The following LRPAP1 variants were observed in gnomAD, a reference collection of about 807,000 sequenced individuals.
The protein encoded by LRPAP1 is LDL receptor related protein associated protein 1.
LRPAP1 carries 41 observed loss-of-function variants against 39.9 expected under a neutral mutation model. That is an observed-to-expected ratio of 1.03 (90% CI 0.80 to 1.33). The LOEUF is 1.33. Ranked by LOEUF, LRPAP1 falls within the 40% of genes most tolerant of loss-of-function variation. The pLI is 0.00. For missense variants in LRPAP1, 565 were observed against 482.3 expected (o/e 1.17, Z -1.61); for synonymous variants, 263 against 212.7 (o/e 1.24, Z -2.06).
intron 7 of LRPAP1, among the ~76,000 whole-genome samples, chr4:3,513,459 C>A (rs190386877): frequency 6.6e-6 from 1 of 152,138 alleles, no homozygotes. Context: ...AGGTGCCCAC[C>A]GCCACGCCCG....
chr4:3,532,202 C>T lies in LRPAP1; in HGVS notation c.204+7G>A, dbSNP rs908221605. 10 of 1,548,996 alleles carry T rather than the reference C, an allele frequency of 6.5e-6. No homozygotes were observed. In the African/African-American group the frequency reaches 1.2e-4, roughly 19 times the overall value. On this transcript the variant is annotated splice_region_variant and intron_variant, in intron 1 of 7. Coordinates refer to ENST00000650182, the MANE Select transcript of LRPAP1 (RefSeq NM_002337.4). ...GCCCCGCTCCACCGACCGCGGGCCG[C>T]GCTCACTCGCTGGGCCTTCTCCCAC...
Position 3,516,966 on chromosome 4 carries a change from G to A in LRPAP1, c.752-768C>T, listed in dbSNP as rs139645124. Among the ~76,000 whole-genome samples the A allele has an allele frequency of 4.5e-3, 683 of 152,364 alleles. 4 individuals carry two copies. The highest frequency in any genetic ancestry group is 0.015 in the African/African-American group (641 of 41,588). ...ACAACTGCCTTGGGGACAGCCCGAG[G>A]TGGGAAGAGAAGTGTGTGGGGCTGA... is the stretch of plus-strand genomic sequence containing the variant. On this transcript the variant is annotated intron_variant, in intron 5 of 7. Transcript: ENST00000650182.
intron 5 of LRPAP1, among the ~76,000 whole-genome samples, chr4:3,516,806 T>C (rs1461168088): frequency 1.3e-5 from 2 of 152,130 alleles, no homozygotes; most frequent in Non-Finnish European, 2.9e-5. Flanking sequence ...CGCCTGCCCA[T>C]GGAGCCCCGC....
rs1170438062 is a variant in LRPAP1, at chr4:3,504,776, A to AAC, written c.*8196_*8197dup. Among the ~76,000 whole-genome samples the AAC allele has an allele frequency of 2.3e-3, 350 of 150,452 alleles. 1 individual carries two copies. The highest frequency in any genetic ancestry group is 0.01 in the Middle Eastern group (3 of 288). ...AAAAAAAAAAAAAACCAAAAAACAAAACACACACACACACAGAAAAATTAG... is the reference window on the plus strand; with the variant it reads ...AAAAAAAAAAAAAACCAAAAAACAAAACACACACACACACACAGAAAAATTAG... On this transcript the variant is annotated 3_prime_UTR_variant, in exon 8 of 8. Transcript: ENST00000650182.
intron 5 of LRPAP1, among the ~76,000 whole-genome samples, chr4:3,516,547 A>C (rs1800491): frequency 0.35 from 52,600 of 152,176 alleles, 9,445 homozygotes; most frequent in East Asian, 0.52. Context: ...CTGTGTGCAG[A>C]GGCTGCCAGG....
intron 1 of LRPAP1, among the ~76,000 whole-genome samples, chr4:3,525,851 G>A (rs913729059): frequency 3.9e-5 from 6 of 152,238 alleles, no homozygotes; most frequent in African/African-American, 7.2e-5. Flanking sequence ...GTGTCCCCAC[G>A]TCAGAAAGAC....
intron 6 of LRPAP1, chr4:3,515,883 C>G: frequency 3.5e-6 from 2 of 576,458 alleles, no homozygotes; most frequent in Non-Finnish European, 3.1e-6. Context: ...GACGTGAACA[C>G]GGACAAAAGA....
rs752616407 is a variant in LRPAP1, at chr4:3,524,985, G to A, written c.271C>T (p.Leu91Phe). The change falls in exon 2 of 8, where the codon CTC becomes TTC. Residue 91 changes from leucine to phenylalanine, a missense_variant. By Grantham distance (22) the Leu-to-Phe change is conservative. Coordinates refer to ENST00000650182, the MANE Select transcript of LRPAP1 (RefSeq NM_002337.4). ...TCAAGCTTTAGTTTCTTCCAGGCGAGTTCGTCCCTCTCCTGTATCTTCAGA... is the reference window on the plus strand; with the variant it reads ...TCAAGCTTTAGTTTCTTCCAGGCGAATTCGTCCCTCTCCTGTATCTTCAGA... Reference protein sequence around the residue: ...ADLKIQERDELAWKKLKLDGL... With the variant: ...ADLKIQERDEFAWKKLKLDGL... 5 of 1,614,148 alleles carry A rather than the reference G, an allele frequency of 3.1e-6. No individual in the cohort carries two copies. The South Asian group carries it at 4.4e-5, about 14-fold the overall frequency.
chr4:3,516,104 G>T lies in LRPAP1; in HGVS notation c.834+12C>A, dbSNP rs201809218. 3.8e-6 allele frequency: 6 copies of T among 1,563,866 alleles called. No individual in the cohort carries two copies. In the South Asian group the frequency reaches 7.1e-5, roughly 18 times the overall value. On this transcript the variant is annotated intron_variant, in intron 6 of 7. Transcript: ENST00000650182. The stretch of plus-strand genomic sequence containing the variant: ...AGGAGAGAGCTAGAAGGAGAGGGCC[G>T]TGTTTCCTTACCCGGAACGCCTCCA...
At position 3,514,842 on chromosome 4, in the gene LRPAP1, G is replaced by C; in HGVS notation, c.921C>G (p.His307Gln). ...QLEIAHEKLR[H>Q]AESVGDGERV... ...GCTCGCCGTCGCCCACGCTCTCTGC[G>C]TGCCTCAGCTTCTCGTGCGCAATCT... The change falls in exon 7 of 8, where the codon CAC becomes CAG. Residue 307 changes from histidine (H) to glutamine (Q), a missense_variant. By Grantham distance (24) the His-to-Gln change is conservative. Coordinates refer to ENST00000650182, the MANE Select transcript of LRPAP1 (RefSeq NM_002337.4). 3 of 1,613,770 alleles carry C rather than the reference G, an allele frequency of 1.9e-6. No individual in the cohort carries two copies. Among genetic ancestry groups the C allele is most frequent in the Non-Finnish European group, 2.5e-6 (3 of 1,179,918 alleles).
intron 5 of LRPAP1, among the ~76,000 whole-genome samples, chr4:3,517,178 GGTCTT>G (rs1729739566): frequency 6.6e-6 from 1 of 152,252 alleles, no homozygotes. Context: ...GGTGGTGAGG[GGTCTT>G]GCCCAAGGGC....
At chr4:3,513,339 G>A (rs557244958) in intron 7 of LRPAP1, among the ~76,000 whole-genome samples, 3 of 152,278 alleles carry the variant, frequency 2.0e-5, no homozygotes, top group Non-Finnish European at 4.4e-5. Context: ...AAAGGGTCTC[G>A]CTCTGTCACC....
At chr4:3,527,226 A>C (rs1389858631) in intron 1 of LRPAP1, among the ~76,000 whole-genome samples, 1 of 149,166 alleles carries the variant, frequency 6.7e-6, no homozygotes, top group Non-Finnish European at 1.5e-5. Flanking sequence ...AGCCCCATCC[A>C]CCCAGCCAGC....
At chr4:3,525,232 C>T (rs1730045613) in intron 1 of LRPAP1, 181 bp from the exon 2 acceptor site, 2 of 649,686 alleles carry the variant, frequency 3.1e-6, no homozygotes, top group Non-Finnish European at 2.7e-6. Flanking sequence ...AACATGGACA[C>T]CAGTCTCTAG....
At chr4:3,515,019 C>A in intron 6 of LRPAP1, 91 bp from the exon 7 acceptor site, 1 of 1,423,090 alleles carries the variant, frequency 7.0e-7, no homozygotes, top group Non-Finnish European at 9.7e-7. Flanking sequence ...CGCCAAAGGA[C>A]GGCGCCATAC....
intron 1 of LRPAP1, among the ~76,000 whole-genome samples, chr4:3,527,626 A>G (rs1321376160): frequency 6.6e-6 from 1 of 152,212 alleles, no homozygotes; most frequent in African/African-American, 2.4e-5. Context: ...GGGGCAGGCA[A>G]TTCAGGCCCA....
rs565362447 is a variant in LRPAP1 at position 3,528,664 on chromosome 4, G to A, written c.204+3545C>T. ...GCAAGGCACCCACCATGAGGAGCAG[G>A]CTGTGGCGGTGACCAAGGCTTCCTG... is the stretch of plus-strand genomic sequence containing the variant. On this transcript the variant is annotated intron_variant, in intron 1 of 7. Transcript: ENST00000650182. Among the ~76,000 whole-genome samples the A allele has an allele frequency of 3.3e-5, 5 of 152,352 alleles. No homozygotes were observed. The East Asian group carries it at 7.7e-4, about 23-fold the overall frequency.
intron 5 of LRPAP1, among the ~76,000 whole-genome samples, chr4:3,517,154 T>C (rs1371269492): frequency 1.3e-5 from 2 of 152,034 alleles, no homozygotes; most frequent in African/African-American, 2.4e-5. Context: ...TAAGGGAGCC[T>C]GGGTTTGGGG....
intron 5 of LRPAP1, among the ~76,000 whole-genome samples, chr4:3,517,318 C>T (rs940100834): frequency 6.6e-6 from 1 of 152,242 alleles, no homozygotes; most frequent in African/African-American, 2.4e-5. Flanking sequence ...CTGCCTGGCA[C>T]CGGGGACAGA....
Sources: allele counts gnomAD v4.1 joint callset (sites outside exome capture counted in the v4.1 genomes callset), GRCh38; gene constraint gnomAD v4.1.1; transcripts MANE v1.5; gene names NCBI Gene and HGNC (gene_info 2026-07-23, HGNC 2026-07-21).